Variants in AGGF1 observed in about 807,000 individuals in gnomAD.
AGGF1 encodes angiogenic factor with G patch and FHA domains 1.
In AGGF1, 56 loss-of-function variants were observed where a neutral mutation model predicts 86.5. That is an observed-to-expected ratio of 0.65 (90% CI 0.52 to 0.81). AGGF1 has a LOEUF of 0.81. AGGF1 is among the 30% of genes least tolerant of loss of function. AGGF1 has a pLI of 0.00. For synonymous variants in AGGF1, 313 were observed against 297.1 expected, an observed-to-expected ratio of 1.05 and a Z score of -0.55; for missense variants, 816 against 850.9, an observed-to-expected ratio of 0.96 and a Z score of 0.51.
intron 11 of AGGF1, 45 bp from the exon 12 acceptor site, chr5:77,059,562 ATTGTTTTAT>A (rs1561291945): frequency 6.6e-6 from 10 of 1,505,000 alleles, no homozygotes; most frequent in Admixed American, 3.4e-5. Context: ...ATGTACAGAA[ATTGTTTTAT>A]TTATCAGCTT....
intron 5 of AGGF1, 25 bp downstream of exon 5, chr5:77,039,744 T>C (rs1164258024): frequency 2.5e-6 from 4 of 1,594,836 alleles, no homozygotes; most frequent in South Asian, 2.3e-5. Context: ...ATTTTAAAAA[T>C]TGACATAATG....
At chr5:77,032,164 C>T (rs961136609) in intron 1 of AGGF1, among the ~76,000 whole-genome samples, 2 of 149,378 alleles carry the variant, frequency 1.3e-5, no homozygotes, top group African/African-American at 2.5e-5. Context: ...ACATGGAGTT[C>T]CTGACATGAC....
Position 77,045,456 on chromosome 5 carries a change from A to T in AGGF1, c.871-891A>T, listed in dbSNP as rs1307024051. ...TAAAAATACATCATTTTTGTTAATT[A>T]AAAAATGTTCATTTATTATAAGGCA... On this transcript the variant is annotated intron_variant, in intron 5 of 13. Transcript: ENST00000312916. Among the ~76,000 whole-genome samples the T allele has an allele frequency of 2.7e-5, 4 of 146,340 alleles. No homozygotes were observed. In the South Asian group the frequency reaches 8.6e-4, roughly 31 times the overall value.
intron 1 of AGGF1, 43 bp from the exon 2 acceptor site, chr5:77,034,375 T>G: frequency 8.4e-7 from 1 of 1,197,496 alleles, no homozygotes; most frequent in Non-Finnish European, 1.2e-6. Context: ...TATTATTAGA[T>G]TGTTACATGA....
In AGGF1 at chr5:77,030,717, G is replaced by T; in HGVS notation, c.-50G>T. The T allele has an allele frequency of 1.3e-6, 2 of 1,538,356 alleles. No individual in the cohort carries two copies. The highest frequency in any genetic ancestry group is 2.4e-5 in the South Asian group (2 of 84,286). The stretch of plus-strand genomic sequence containing the variant: ...CTCTGGGTCCGCCGGCGTCCGTTTC[G>T]GCCTGAACGCAGCCCCTCCGCGGCG... On this transcript the variant is annotated 5_prime_UTR_variant, in exon 1 of 14. Coordinates refer to ENST00000312916, the MANE Select transcript of AGGF1 (RefSeq NM_018046.5).
intron 7 of AGGF1, 87 bp downstream of exon 7, chr5:77,048,359 T>G (rs1747308252): frequency 1.7e-6 from 2 of 1,185,764 alleles, no homozygotes; most frequent in Non-Finnish European, 2.4e-6. Context: ...GTTTGTTTGT[T>G]TTTTGTTTTT....
At chr5:77,031,081 A>G in intron 1 of AGGF1, 105 bp downstream of exon 1, 1 of 1,212,370 alleles carries the variant, frequency 8.2e-7, no homozygotes, top group Admixed American at 1.8e-5. Flanking sequence ...GAACTACTGT[A>G]GAGTACTTAA....
At chr5:77,052,860 T>C in intron 9 of AGGF1, 53 bp downstream of exon 9, 1 of 1,428,692 alleles carries the variant, frequency 7.0e-7, no homozygotes, top group Non-Finnish European at 9.9e-7. Flanking sequence ...AAACTGATTT[T>C]TTTTTATTTC....
rs755714798 is a variant in AGGF1 at position 77,046,634 on chromosome 5, T to G, written c.1158T>G (p.Ile386Met). 1 of 1,614,090 alleles carries G rather than the reference T, an allele frequency of 6.2e-7. No homozygotes were observed. The highest frequency in any genetic ancestry group is 8.5e-7 in the Non-Finnish European group (1 of 1,179,962). The change falls in exon 6 of 14, where the codon ATT (isoleucine) becomes ATG (methionine). Residue 386 changes from isoleucine (I) to methionine (M), a missense_variant. Ile to Met is a conservative substitution (Grantham distance 10). Around this residue, in one of 3 missense-constraint regions of AGGF1, gnomAD observed 565 missense variants for 585.8 expected, o/e 0.96. Transcript: ENST00000312916. ...CTGAGGATAGTTATGACGAAGCCAT[T>G]ACCAGTGAAGGCAATGTAACTGCAG... ...SQTEDSYDEA[I>M]TSEGNVTAED...
intron 8 of AGGF1, among the ~76,000 whole-genome samples, chr5:77,052,433 T>G (rs1239272262): frequency 6.6e-6 from 1 of 151,924 alleles, no homozygotes; most frequent in Non-Finnish European, 1.5e-5. Flanking sequence ...TAGGTCAAAA[T>G]TTTTCAAATT....
intron 5 of AGGF1, among the ~76,000 whole-genome samples, chr5:77,043,269 G>A (rs1202022202): frequency 1.1e-4 from 3 of 26,860 alleles, no homozygotes; most frequent in Non-Finnish European, 1.6e-4. Context: ...GGGCAGAGGC[G>A]CCCCTCACCT....
At chr5:77,042,184 C>CA (rs1554046343) in intron 5 of AGGF1, among the ~76,000 whole-genome samples, 1 of 152,020 alleles carries the variant, frequency 6.6e-6, no homozygotes, top group Non-Finnish European at 1.5e-5. Flanking sequence ...TAGTGCAGAA[C>CA]AAAATGAAGT....
At chr5:77,059,552 A>G in intron 11 of AGGF1, 64 bp from the exon 12 acceptor site, 20 of 1,406,256 alleles carry the variant, frequency 1.4e-5, no homozygotes, top group Non-Finnish European at 2.0e-5. Context: ...AGTAAGGCAC[A>G]TGTACAGAAA....
chr5:77,051,431 T>C (rs1316358113), intron 8 of AGGF1, among the ~76,000 whole-genome samples: 15 of 102,968 alleles, frequency 1.5e-4, no homozygotes, highest in Non-Finnish European at 4.2e-5. Context: ...AGATTCCATC[T>C]CAAAAAAAAA....
chr5:77,037,555 T>C (rs1361107025), intron 4 of AGGF1, among the ~76,000 whole-genome samples: 1 of 152,128 alleles, frequency 6.6e-6, no homozygotes, highest in African/African-American at 2.4e-5. Flanking sequence ...CTGAGGCAGG[T>C]GGATTGCTTG....
rs541204055 is a variant in AGGF1, at chr5:77,031,052, G to A, written c.210+76G>A. ...CGAAGCCCGTGATAGCCTCGGAAGG[G>A]GTCCCTGGCAGGGGCTCAGAACTAC... On this transcript the variant is annotated intron_variant, in intron 1 of 13. Coordinates refer to ENST00000312916, the MANE Select transcript of AGGF1 (RefSeq NM_018046.5). The A allele has an allele frequency of 5.4e-3, 8,161 of 1,510,762 alleles. 38 individuals are homozygous for A. The highest frequency in any genetic ancestry group is 6.7e-3 in the Non-Finnish European group (7,349 of 1,095,032). 93.6% of individuals were successfully genotyped at this position (1,510,762 alleles called of 1,614,324 possible).
Position 77,063,219 on chromosome 5 carries a change from G to T in AGGF1, c.2112G>T (p.Gly704=). Residue 704 remains glycine (G), a synonymous_variant, in exon 14 of 14, where the codon GGG becomes GGT. Coordinates refer to ENST00000312916, the MANE Select transcript of AGGF1 (RefSeq NM_018046.5). The part of the protein sequence containing the change: ...PETKPQKDDP[G]TMPWVKGTLE ...CTAAGCCTCAAAAAGATGACCCAGGGACCATGCCTTGGGTAAAAGGGACTT... is the reference window on the plus strand; with the variant it reads ...CTAAGCCTCAAAAAGATGACCCAGGTACCATGCCTTGGGTAAAAGGGACTT... 1 of 1,613,852 alleles carries T rather than the reference G, an allele frequency of 6.2e-7. No individual in the cohort carries two copies. Among genetic ancestry groups the T allele is most frequent in the East Asian group, 2.2e-5 (1 of 44,868 alleles).
At chr5:77,054,175 C>A in intron 10 of AGGF1, 45 bp downstream of exon 10, 1 of 1,608,712 alleles carries the variant, frequency 6.2e-7, no homozygotes, top group Non-Finnish European at 8.5e-7. Flanking sequence ...ATTTCTCTTT[C>A]ATTACCTAAA....
intron 4 of AGGF1, among the ~76,000 whole-genome samples, chr5:77,038,433 G>A (rs1747003887): frequency 6.6e-6 from 1 of 151,954 alleles, no homozygotes; most frequent in African/African-American, 2.4e-5. Flanking sequence ...TCATTGTGTT[G>A]CCATTTTCAT....
Sources: allele counts gnomAD v4.1 joint callset (sites outside exome capture counted in the v4.1 genomes callset), GRCh38; gene constraint gnomAD v4.1.1; regional missense constraint gnomAD v4.1.1; transcripts MANE v1.5; gene names NCBI Gene and HGNC (gene_info 2026-07-23, HGNC 2026-07-21).